Variants in STYK1 observed in about 807,000 individuals in gnomAD.
The protein encoded by STYK1 is STY kinase 1.
STYK1 carries 46 observed loss-of-function variants against 48.1 expected under a neutral mutation model. That is an observed-to-expected ratio of 0.96 (90% CI 0.75 to 1.22). The LOEUF (loss-of-function observed/expected upper bound fraction) is 1.22. Among genes scored for constraint, STYK1 ranks in the 50% most tolerant of loss-of-function variants. The pLI is 0.00. For synonymous variants in STYK1, 188 were observed against 189.0 expected, an observed-to-expected ratio of 0.99 and a Z score of 0.04; for missense variants, 527 against 521.1, an observed-to-expected ratio of 1.01 and a Z score of -0.11.
chr12:10,637,439 G>A (rs1947498905), intron 1 of STYK1, among the ~76,000 whole-genome samples: 1 of 150,710 alleles, frequency 6.6e-6, no homozygotes, highest in Admixed American at 6.6e-5. Context: ...CCAGGTTCAT[G>A]CCATTCTCCT....
Position 10,620,035 on chromosome 12 carries a change from C to A in STYK1, c.*109G>T, listed in dbSNP as rs530581089. 3 of 1,212,758 alleles carry A rather than the reference C, an allele frequency of 2.5e-6. No individual in the cohort carries two copies. Among genetic ancestry groups the A allele is most frequent in the Admixed American group, 1.8e-5 (1 of 55,250 alleles). 75.1% of individuals were successfully genotyped at this position (1,212,758 alleles called of 1,614,324 possible). On this transcript the variant is annotated 3_prime_UTR_variant, in exon 11 of 11. Coordinates refer to ENST00000075503, the MANE Select transcript of STYK1 (RefSeq NM_018423.3). Reference sequence around the variant, plus strand: ...AATGTGTAAAGGAAGATCAAGAATCCATGTCCCATTTCTCCCTTTGTGTCC... The same window carrying A: ...AATGTGTAAAGGAAGATCAAGAATCAATGTCCCATTTCTCCCTTTGTGTCC...
intron 1 of STYK1, among the ~76,000 whole-genome samples, chr12:10,660,860 C>T (rs1313425931): frequency 1.3e-5 from 2 of 152,086 alleles, no homozygotes; most frequent in South Asian, 2.1e-4. Context: ...TGGGATTTGC[C>T]CATCCCTTTC....
At chr12:10,621,076 A>C (rs1057269910) in intron 10 of STYK1, among the ~76,000 whole-genome samples, 2 of 152,218 alleles carry the variant, frequency 1.3e-5, no homozygotes, top group African/African-American at 2.4e-5. Context: ...TCATAAGGAA[A>C]ACCAAGTGCT....
In STYK1 at chr12:10,631,263, C is replaced by G. The variant is rs1344674098; in HGVS notation, c.233G>C (p.Gly78Ala). ...PPPRDLSWEA[G>A]HGGNVALPLK... ...TGGCAAAGCCACATTTCCTCCATGT[C>G]CTGCTTCCCAGCTTAGGTCCCTAGG... Residue 78 changes from glycine (G) to alanine (A), a missense_variant, in exon 5 of 11, where the codon GGA becomes GCA. By Grantham distance (60) the Gly-to-Ala change is moderately conservative. Coordinates refer to ENST00000075503, the MANE Select transcript of STYK1 (RefSeq NM_018423.3). 1.9e-6 allele frequency: 3 copies of G among 1,614,120 alleles called. No individual in the cohort carries two copies. The Admixed American group carries it at 5.0e-5, about 27-fold the overall frequency.
chr12:10,624,545 GT>G (rs1163809778), intron 8 of STYK1, 105 bp downstream of exon 8: 1 of 975,094 alleles, frequency 1.0e-6, no homozygotes, highest in Admixed American at 2.0e-5. Flanking sequence ...TGATTTCTAA[GT>G]AGAGATTATA....
intron 1 of STYK1, among the ~76,000 whole-genome samples, chr12:10,666,035 T>C (rs1947830447): frequency 6.6e-6 from 1 of 152,238 alleles, no homozygotes; most frequent in Admixed American, 6.5e-5. Context: ...AAGCCAAACC[T>C]GTTAATTCTA....
intron 3 of STYK1, 54 bp from the exon 4 acceptor site, chr12:10,634,178 T>C (rs954933890): frequency 1.3e-6 from 2 of 1,573,218 alleles, no homozygotes. Flanking sequence ...TAACCTGGTG[T>C]TCATGCAATT....
chr12:10,626,729 G>A (rs559765528), intron 7 of STYK1, among the ~76,000 whole-genome samples: 25 of 152,140 alleles, frequency 1.6e-4, no homozygotes, highest in South Asian at 1.5e-3. Context: ...GTTTTAGGCC[G>A]GGCACGGTGG....
At chr12:10,627,553 T>G in intron 7 of STYK1, 88 bp downstream of exon 7, 85 of 1,227,964 alleles carry the variant, frequency 6.9e-5, no homozygotes, top group Non-Finnish European at 8.9e-5. Flanking sequence ...ACACACCACT[T>G]GAGAATATTA....
At chr12:10,643,041 A>G (rs1947562124) in intron 1 of STYK1, among the ~76,000 whole-genome samples, 1 of 152,044 alleles carries the variant, frequency 6.6e-6, no homozygotes, top group Admixed American at 6.5e-5. Context: ...AGTCCTCTTC[A>G]TCCTATTTAT....
intron 1 of STYK1, among the ~76,000 whole-genome samples, chr12:10,643,624 T>C (rs1947568256): frequency 6.6e-6 from 1 of 152,188 alleles, no homozygotes; most frequent in African/African-American, 2.4e-5. Flanking sequence ...TAGGGTGCTA[T>C]AAAAACGGGG....
At chr12:10,641,643 A>G (rs1947545966) in intron 1 of STYK1, among the ~76,000 whole-genome samples, 1 of 152,242 alleles carries the variant, frequency 6.6e-6, no homozygotes, top group African/African-American at 2.4e-5. Flanking sequence ...ACCATCAGAA[A>G]GCTAACTCAG....
At chr12:10,624,159 G>A (rs949889013) in intron 8 of STYK1, among the ~76,000 whole-genome samples, 1 of 151,412 alleles carries the variant, frequency 6.6e-6, no homozygotes, top group African/African-American at 2.4e-5. Context: ...GGTTGCTCAT[G>A]CCTGTAATCC....
At position 10,631,205 on chromosome 12, in the gene STYK1, T is replaced by C. The variant is rs1363422146; in HGVS notation, c.291A>G (p.Gly97=). The change falls in exon 5 of 11, where the codon GGA becomes GGG. Residue 97 remains glycine, a synonymous_variant. Coordinates refer to ENST00000075503, the MANE Select transcript of STYK1 (RefSeq NM_018423.3). ...LKETSVENFL[G]ATTPALAKLQ... ...GCTTAGCCAGGGCAGGTGTGGTAGC[T>C]CCCAGAAAGTTTTCCACGGATGTCT... 6.2e-7 allele frequency: 1 copy of C among 1,614,138 alleles called. No individual in the cohort carries two copies. Among genetic ancestry groups the C allele is most frequent in the Non-Finnish European group, 8.5e-7 (1 of 1,180,018 alleles).
At chr12:10,649,394 C>T (rs971875779) in intron 1 of STYK1, among the ~76,000 whole-genome samples, 1 of 152,140 alleles carries the variant, frequency 6.6e-6, no homozygotes, top group African/African-American at 2.4e-5. Context: ...GAATACTACA[C>T]ATTTATTAAA....
intron 1 of STYK1, among the ~76,000 whole-genome samples, chr12:10,671,141 CCCG>C (rs910536794): frequency 2.0e-5 from 3 of 151,744 alleles, no homozygotes; most frequent in Non-Finnish European, 2.9e-5. Flanking sequence ...ACTACAGGCG[CCCG>C]CCACCACGCC....
At chr12:10,643,077 G>T (rs575955029) in intron 1 of STYK1, among the ~76,000 whole-genome samples, 4 of 152,214 alleles carry the variant, frequency 2.6e-5, no homozygotes, top group Non-Finnish European at 4.4e-5. Context: ...ATTTGGGGAA[G>T]ATGTAGCCTT....
intron 5 of STYK1, among the ~76,000 whole-genome samples, chr12:10,629,993 G>T (rs1398269203): frequency 6.8e-6 from 1 of 147,988 alleles, no homozygotes; most frequent in Non-Finnish European, 1.5e-5. Flanking sequence ...TCTTATCCTT[G>T]TTCTATGTAT....
At chr12:10,656,533 G>A (rs991837556) in intron 1 of STYK1, among the ~76,000 whole-genome samples, 2 of 152,134 alleles carry the variant, frequency 1.3e-5, no homozygotes, top group African/African-American at 4.8e-5. Flanking sequence ...GCTGAGGCAG[G>A]AGAATGGCAT....
Sources: gnomAD v4.1 joint callset for allele counts (sites outside exome capture counted in the v4.1 genomes callset) on GRCh38, gnomAD v4.1.1 for gene constraint, MANE v1.5 for transcripts, NCBI Gene and HGNC (gene_info 2026-07-23, HGNC 2026-07-21) for gene names.